The following PTK2 variants were observed in gnomAD, a reference collection of about 807,000 sequenced individuals.
PTK2 encodes protein tyrosine kinase 2, also known as focal adhesion kinase 1.
In PTK2, 45 loss-of-function variants were observed where a neutral mutation model predicts 150.1. The ratio of observed to expected loss-of-function variants is 0.30; its 90% CI spans 0.24 to 0.38. PTK2 has a LOEUF of 0.38. Ranked by LOEUF, PTK2 falls within the 10% of genes least tolerant of loss-of-function variation. The pLI is 1.00. For synonymous variants in PTK2, 432 were observed against 449.2 expected (o/e 0.96, Z 0.48); for missense variants, 919 against 1,307.3 (o/e 0.70, Z 4.58).
intron 17 of PTK2, 189 bp from the exon 21 acceptor site, chr8:140,747,049 C>A: frequency 2.0e-6 from 1 of 490,786 alleles, no homozygotes; most frequent in African/African-American, 2.0e-5. Context: ...CACCACCACG[C>A]CCGGCTAATT....
exon 32 of PTK2, chr8:140,659,463 G>A: frequency 6.2e-7 from 1 of 1,610,096 alleles, no homozygotes; most frequent in Non-Finnish European, 8.5e-7. Context: ...TCCTAGGGGA[G>A]GCTCAGTGTG....
At chr8:140,690,599 A>G (rs982742006) in intron 26 of PTK2, among the ~76,000 whole-genome samples, 1 of 152,254 alleles carries the variant, frequency 6.6e-6, no homozygotes, top group Non-Finnish European at 1.5e-5. Context: ...AAAATAGATG[A>G]AAAAATTACA....
At chr8:140,795,575 ATAT>A (rs2100091040) in intron 12 of PTK2, among the ~76,000 whole-genome samples, 1 of 152,210 alleles carries the variant, frequency 6.6e-6, no homozygotes, top group South Asian at 2.1e-4. Flanking sequence ...ATCATTTGAT[ATAT>A]TATATGCTAC....
rs140628086 is a variant in PTK2 at position 140,891,031 on chromosome 8, G to T, written c.-32-262C>A. ...ACTCCAATTTCAGCTGTGTCAAAAA[G>T]TATCTACAAACAATGTAATACCCCC... is the stretch of plus-strand genomic sequence containing the variant. On this transcript the variant is annotated intron_variant, in intron 2 of 31. Coordinates refer to ENST00000522684, the Ensembl canonical transcript of PTK2. Among the ~76,000 whole-genome samples, 7 of 152,110 alleles carry T rather than the reference G, an allele frequency of 4.6e-5. 1 individual carries two copies. The highest frequency in any genetic ancestry group is 1.7e-4 in the African/African-American group (7 of 41,510).
chr8:140,732,487 G>C (rs770590553), intron 22 of PTK2: 14 of 508,802 alleles, frequency 2.8e-5, no homozygotes, highest in Non-Finnish European at 4.4e-5. Flanking sequence ...TATGTTCTAA[G>C]CCTTGAATTC....
chr8:140,693,680 A>AAACACATT (rs2100024620), intron 26 of PTK2, among the ~76,000 whole-genome samples: 1 of 151,896 alleles, frequency 6.6e-6, no homozygotes, highest in South Asian at 2.1e-4. Context: ...TGCTATCATA[A>AAACACATT]AACACATTCT....
At chr8:140,668,547 T>C in intron 29 of PTK2, 123 bp from the exon 34 acceptor site, 2 of 1,124,250 alleles carry the variant, frequency 1.8e-6, no homozygotes, top group South Asian at 1.6e-5. Flanking sequence ...TTGATTTTCT[T>C]GTGTGTGCGG....
intron 10 of PTK2, among the ~76,000 whole-genome samples, chr8:140,810,326 G>A (rs569199330): frequency 6.6e-6 from 1 of 152,332 alleles, no homozygotes; most frequent in East Asian, 1.9e-4. Context: ...TAGCCCTAGG[G>A]GAACTGTTGG....
At chr8:140,908,097 C>T (rs1201290280) in intron 2 of PTK2, among the ~76,000 whole-genome samples, 1 of 152,130 alleles carries the variant, frequency 6.6e-6, no homozygotes, top group Non-Finnish European at 1.5e-5. Context: ...GGAAAAGTCA[C>T]TGAAGGAAAT....
intron 2 of PTK2, among the ~76,000 whole-genome samples, chr8:140,902,581 G>C (rs901379657): frequency 1.3e-5 from 2 of 152,194 alleles, no homozygotes; most frequent in African/African-American, 4.8e-5. Flanking sequence ...CACCAACAGT[G>C]TAAAAGCGTT....
intron 1 of PTK2, among the ~76,000 whole-genome samples, chr8:140,952,048 A>C (rs914167594): frequency 6.6e-6 from 1 of 152,068 alleles, no homozygotes; most frequent in African/African-American, 2.4e-5. Flanking sequence ...CTGCTATGGA[A>C]CTGTCTTGTG....
At chr8:141,001,617 G>A (rs2100200280), upstream of PTK2, among the ~76,000 whole-genome samples, 1 of 152,152 alleles carries the variant, frequency 6.6e-6, no homozygotes, top group African/African-American at 2.4e-5. Flanking sequence ...AGCGGGATTA[G>A]ACGGACTTCG....
intron 27 of PTK2, among the ~76,000 whole-genome samples, chr8:140,680,536 G>C (rs2100016374): frequency 6.6e-6 from 1 of 152,156 alleles, no homozygotes. Context: ...ATCCAGGTTT[G>C]ATTAACAAAT....
exon 9 of PTK2, chr8:140,819,007 C>G: frequency 6.2e-7 from 1 of 1,613,002 alleles, no homozygotes; most frequent in Non-Finnish European, 8.5e-7. Context: ...GATCAGTTTT[C>G]TTAGTGTTTT....
intron 4 of PTK2, 89 bp from the exon 5 acceptor site, chr8:140,864,488 C>T (rs2100138116): frequency 3.4e-6 from 2 of 595,380 alleles, no homozygotes; most frequent in South Asian, 3.3e-5. Context: ...GTATAGCATT[C>T]CTAATTACTC....
At chr8:140,980,578 C>T (rs1270562931) in intron 1 of PTK2, among the ~76,000 whole-genome samples, 4 of 151,948 alleles carry the variant, frequency 2.6e-5, no homozygotes, top group Non-Finnish European at 4.4e-5. Context: ...GCTGAGGTCA[C>T]GCCACTGCAC....
Position 140,766,256 on chromosome 8 carries a change from C to A in PTK2, c.1178-1966G>T, listed in dbSNP as rs1425355856. Among the ~76,000 whole-genome samples, 4 of 152,274 alleles carry A rather than the reference C, an allele frequency of 2.6e-5. No homozygotes were observed. In the East Asian group the frequency reaches 7.7e-4, roughly 29 times the overall value. ...AGTTCATTAAAAGCCTGTTCAGAAG[C>A]CCAAGTCTATCAGGTGACAGGTGTC... On this transcript the variant is annotated intron_variant, in intron 14 of 31. Coordinates refer to ENST00000522684, the Ensembl canonical transcript of PTK2.
chr8:140,676,904 G>A (rs1428350298), intron 27 of PTK2, among the ~76,000 whole-genome samples: 1 of 137,434 alleles, frequency 7.3e-6, no homozygotes, highest in African/African-American at 2.7e-5. Context: ...TCACGTCACT[G>A]CACTTCAGCC....
At chr8:140,858,612 A>G (rs181557495) in intron 5 of PTK2, among the ~76,000 whole-genome samples, 3 of 152,306 alleles carry the variant, frequency 2.0e-5, no homozygotes, top group Non-Finnish European at 4.4e-5. Context: ...ACAGTAGGAA[A>G]TAACCATCAA....
Sources: gnomAD v4.1 joint callset for allele counts (sites outside exome capture counted in the v4.1 genomes callset) on GRCh38, gnomAD v4.1.1 for gene constraint, MANE v1.5 for transcripts, NCBI Gene and HGNC (gene_info 2026-07-23, HGNC 2026-07-21) for gene names.